The following EHBP1 variants were observed in gnomAD, a reference collection of about 807,000 sequenced individuals.
EHBP1 encodes EH domain-binding protein 1.
In EHBP1, 55 loss-of-function variants were observed where a neutral mutation model predicts 144.0. The observed-to-expected ratio is 0.38, with a 90% confidence interval of 0.31 to 0.48. EHBP1 has a LOEUF of 0.48. Ranked by LOEUF, EHBP1 falls within the 20% of genes least tolerant of loss-of-function variation. The pLI, the probability that EHBP1 is intolerant of heterozygous loss-of-function variation, is 0.98. For synonymous variants in EHBP1, 469 were observed against 472.7 expected, an observed-to-expected ratio of 0.99 and a Z score of 0.10; for missense variants, 1,200 against 1,364.2, an observed-to-expected ratio of 0.88 and a Z score of 1.90.
At chr2:62,862,765 G>A (rs1382622971) in intron 8 of EHBP1, among the ~76,000 whole-genome samples, 1 of 152,070 alleles carries the variant, frequency 6.6e-6, no homozygotes, top group African/African-American at 2.4e-5. Flanking sequence ...TATTTTGTTA[G>A]CATTGCATAG....
chr2:62,856,105 C>T (rs1157940056), intron 7 of EHBP1, among the ~76,000 whole-genome samples: 1 of 152,216 alleles, frequency 6.6e-6, no homozygotes, highest in Non-Finnish European at 1.5e-5. Context: ...GCTCACCCTC[C>T]ACTTGCCTGT....
At chr2:62,685,354 C>T (rs1403928844) in intron 1 of EHBP1, among the ~76,000 whole-genome samples, 2 of 152,052 alleles carry the variant, frequency 1.3e-5, no homozygotes, top group East Asian at 3.8e-4. Context: ...ATGGAGGTGT[C>T]AGCATTGTTG....
chr2:63,019,582 C>G (rs1448962131), intron 19 of EHBP1, among the ~76,000 whole-genome samples: 1 of 151,628 alleles, frequency 6.6e-6, no homozygotes, highest in Non-Finnish European at 1.5e-5. Context: ...TGGCACACAC[C>G]TGTAGTCCCA....
intron 9 of EHBP1, among the ~76,000 whole-genome samples, chr2:62,867,411 A>C (rs879778200): frequency 1.2e-4 from 18 of 152,174 alleles, no homozygotes; most frequent in Admixed American, 1.2e-3. Context: ...TTAATATATA[A>C]ATTCAATTGT....
chr2:63,008,406 T>C (rs2060130266), intron 19 of EHBP1, among the ~76,000 whole-genome samples: 1 of 151,548 alleles, frequency 6.6e-6, no homozygotes, highest in Non-Finnish European at 1.5e-5. Flanking sequence ...TTCAGTCTTG[T>C]TTTTTTCATT....
At chr2:62,953,672 T>G (rs1348829920) in intron 13 of EHBP1, among the ~76,000 whole-genome samples, 2 of 152,150 alleles carry the variant, frequency 1.3e-5, no homozygotes. Context: ...TTATTATCTC[T>G]GGGTACCAGG....
intron 10 of EHBP1, among the ~76,000 whole-genome samples, chr2:62,920,777 C>T (rs1333989693): frequency 6.6e-6 from 1 of 152,012 alleles, no homozygotes; most frequent in East Asian, 1.9e-4. Flanking sequence ...ATTCTCCTGC[C>T]TCAGCCTTCC....
chr2:62,962,352 G>A (rs2058045158), intron 14 of EHBP1, among the ~76,000 whole-genome samples: 1 of 152,084 alleles, frequency 6.6e-6, no homozygotes, highest in Non-Finnish European at 1.5e-5. Flanking sequence ...AAAAATAAAA[G>A]CTAATCTGTT....
intron 5 of EHBP1, among the ~76,000 whole-genome samples, chr2:62,801,637 T>G (rs556560139): frequency 2.0e-4 from 30 of 152,346 alleles, no homozygotes; most frequent in African/African-American, 7.2e-4. Context: ...TCTTAGTAAA[T>G]TTATTACAAA....
At chr2:62,746,931 C>G (rs1016744727) in intron 2 of EHBP1, among the ~76,000 whole-genome samples, 1 of 151,920 alleles carries the variant, frequency 6.6e-6, no homozygotes, top group Non-Finnish European at 1.5e-5. Context: ...AGATGATTGG[C>G]TATAATAATG....
chr2:62,681,605 A>G (rs370782605), intron 1 of EHBP1, among the ~76,000 whole-genome samples: 30 of 151,876 alleles, frequency 2.0e-4, no homozygotes, highest in Non-Finnish European at 2.9e-4. Context: ...TTTATAGCCA[A>G]CCCTGTTTTG....
chr2:62,889,938 CTCTTTTTT>C, intron 10 of EHBP1, among the ~76,000 whole-genome samples: 1 of 148,420 alleles, frequency 6.7e-6, no homozygotes, highest in Non-Finnish European at 1.5e-5. Flanking sequence ...TCAGGATAGG[CTCTTTTTT>C]TATTCCATAT....
At chr2:62,764,396 A>C (rs770808748) in intron 4 of EHBP1, 35 bp downstream of exon 4, 1 of 1,441,550 alleles carries the variant, frequency 6.9e-7, no homozygotes, top group Non-Finnish European at 9.4e-7. Flanking sequence ...AGAATTTATT[A>C]TATAACCAGG....
At chr2:62,884,897 T>C (rs180935427) in intron 10 of EHBP1, among the ~76,000 whole-genome samples, 22 of 152,320 alleles carry the variant, frequency 1.4e-4, no homozygotes, top group Admixed American at 2.6e-4. Context: ...AAAATGTGTT[T>C]TACATCAAAA....
rs2053254839 is a variant in EHBP1, at chr2:62,899,900, C to T, written c.1185+25368C>T. On this transcript the variant is annotated intron_variant, in intron 10 of 22. Transcript: ENST00000431489. ...TGCACAGTTTATTTTATTGTCTGTA[C>T]AGAATCGTGAAGTAGATGGAGTGGG... Among the ~76,000 whole-genome samples the T allele has an allele frequency of 2.0e-5, 3 of 152,170 alleles. No individual in the cohort carries two copies. The South Asian group carries it at 6.2e-4, about 32-fold the overall frequency.
chr2:62,953,280 G>T (rs1477384490), intron 13 of EHBP1, among the ~76,000 whole-genome samples: 1 of 142,082 alleles, frequency 7.0e-6, no homozygotes, highest in African/African-American at 2.6e-5. Context: ...ATTCATAAAA[G>T]CATTATTTAT....
intron 7 of EHBP1, among the ~76,000 whole-genome samples, chr2:62,857,425 C>T (rs1394376080): frequency 6.6e-6 from 1 of 152,056 alleles, no homozygotes; most frequent in African/African-American, 2.4e-5. Context: ...TGCAGGCAGC[C>T]ATATTATAAA....
chr2:62,677,168 C>T (rs1424498279), intron 1 of EHBP1, among the ~76,000 whole-genome samples: 1 of 152,082 alleles, frequency 6.6e-6, no homozygotes, highest in African/African-American at 2.4e-5. Flanking sequence ...TGCACTCTAG[C>T]CAGGTTGACA....
At chr2:62,912,565 T>C (rs570557200) in intron 10 of EHBP1, among the ~76,000 whole-genome samples, 1 of 152,168 alleles carries the variant, frequency 6.6e-6, no homozygotes, top group East Asian at 1.9e-4. Context: ...AAATATTTTT[T>C]AATGCAAAAA....
Sources: gnomAD v4.1 joint callset for allele counts (sites outside exome capture counted in the v4.1 genomes callset) on GRCh38, gnomAD v4.1.1 for gene constraint, MANE v1.5 for transcripts, NCBI Gene and HGNC (gene_info 2026-07-23, HGNC 2026-07-21) for gene names.